The following LINGO2 variants were observed in gnomAD, a reference collection of about 807,000 sequenced individuals.
The protein encoded by LINGO2 is leucine-rich repeat and immunoglobulin-like domain-containing nogo receptor-interacting protein 2.
LINGO2 carries 14 observed loss-of-function variants against 30.6 expected under a neutral mutation model. The ratio of observed to expected loss-of-function variants is 0.46; its 90% confidence interval spans 0.30 to 0.72. LINGO2 has a LOEUF of 0.72. Among genes scored for constraint, LINGO2 ranks in the 30% least tolerant of loss-of-function variants. LINGO2 has a pLI of 0.07. For synonymous variants in LINGO2, 317 were observed against 288.5 expected (o/e 1.10, Z -1.00); for missense variants, 729 against 751.7 (o/e 0.97, Z 0.35).
chr9:28,786,834 T>C, the LINGO2 span, among the ~76,000 whole-genome samples: 1 of 151,968 alleles, frequency 6.6e-6, no homozygotes, highest in African/African-American at 2.4e-5. Flanking sequence ...AGGAAGAAAA[T>C]AAGGCTACTA....
intron 2 of LINGO2, among the ~76,000 whole-genome samples, chr9:28,420,990 T>C (rs978642757): frequency 6.6e-6 from 1 of 151,994 alleles, no homozygotes; most frequent in Non-Finnish European, 1.5e-5. Flanking sequence ...AAGAAAATAA[T>C]ATAGTTGGTG....
At chr9:28,857,541 C>G in the LINGO2 span, among the ~76,000 whole-genome samples, 1 of 152,036 alleles carries the variant, frequency 6.6e-6, no homozygotes, top group Non-Finnish European at 1.5e-5. Context: ...ATGCTCATAA[C>G]TACTACCACC....
At chr9:28,044,122 T>A (rs1233555302) in intron 4 of LINGO2, among the ~76,000 whole-genome samples, 1 of 152,148 alleles carries the variant, frequency 6.6e-6, no homozygotes. Context: ...TCAACTACAC[T>A]ATGTGTGTTT....
At chr9:29,000,212 T>A in the LINGO2 span, among the ~76,000 whole-genome samples, 3 of 151,910 alleles carry the variant, frequency 2.0e-5, no homozygotes, top group Admixed American at 2.0e-4. Context: ...ATATACCTCT[T>A]TTTCCTATGA....
At chr9:28,345,285 G>A (rs1477723053) in intron 3 of LINGO2, among the ~76,000 whole-genome samples, 1 of 151,658 alleles carries the variant, frequency 6.6e-6, no homozygotes, top group Non-Finnish European at 1.5e-5. Context: ...TTTTTCAAGT[G>A]GTTACTAAGG....
At chr9:28,019,388 T>A (rs2247555) in intron 4 of LINGO2, among the ~76,000 whole-genome samples, 1 of 151,502 alleles carries the variant, frequency 6.6e-6, no homozygotes, top group East Asian at 1.9e-4. Context: ...AACTAGTGAG[T>A]GCTGGGTAGG....
chr9:29,126,193 T>A, the LINGO2 span, among the ~76,000 whole-genome samples: 1 of 152,044 alleles, frequency 6.6e-6, no homozygotes. Flanking sequence ...GGGAAAATAG[T>A]TTCAAAAGAA....
chr9:28,451,252 A>C (rs1271838656), intron 2 of LINGO2, among the ~76,000 whole-genome samples: 3 of 151,878 alleles, frequency 2.0e-5, no homozygotes, highest in African/African-American at 4.8e-5. Context: ...CAATAACATT[A>C]TCTCTCCAGA....
At position 28,161,760 on chromosome 9, in the gene LINGO2, T is replaced by C. The variant is rs192761730; in HGVS notation, c.-87+133448A>G. The stretch of plus-strand genomic sequence containing the variant: ...CAATCAGAAGATTCTATGAGAACAT[T>C]ATCAAATCATACTTCAGAAATTTTG... On this transcript the variant is annotated intron_variant, in intron 4 of 5. Coordinates refer to ENST00000379992, the Ensembl canonical transcript of LINGO2. Among the ~76,000 whole-genome samples, 42 of 152,152 alleles carry C rather than the reference T, an allele frequency of 2.8e-4. 1 individual carries two copies. The East Asian group carries it at 7.7e-3, about 28-fold the overall frequency.
Position 28,608,011 on chromosome 9 carries a change from G to A in LINGO2, c.-365+62189C>T, listed in dbSNP as rs537401168. On this transcript the variant is annotated intron_variant, in intron 1 of 5. Coordinates refer to ENST00000379992, the Ensembl canonical transcript of LINGO2. Reference sequence around the variant, plus strand: ...AATCATAATGTAAAACAAATTAATGGTTTGCATATGTTTCCAATTTATGAT... The same window carrying A: ...AATCATAATGTAAAACAAATTAATGATTTGCATATGTTTCCAATTTATGAT... 3.9e-5 allele frequency among the ~76,000 whole-genome samples: 6 copies of A among 152,032 alleles called. No individual in the cohort carries two copies. In the South Asian group the frequency reaches 1.2e-3, roughly 32 times the overall value.
chr9:28,809,602 T>C, the LINGO2 span, among the ~76,000 whole-genome samples: 10 of 151,810 alleles, frequency 6.6e-5, 1 homozygote, highest in South Asian at 4.2e-4. Context: ...CAAAATTAGC[T>C]GGGCATGGTG....
chr9:28,536,717 A>G (rs1821451681), intron 1 of LINGO2, among the ~76,000 whole-genome samples: 1 of 152,148 alleles, frequency 6.6e-6, no homozygotes, highest in Non-Finnish European at 1.5e-5. Context: ...TCAACTTGAC[A>G]GAATCTGAAC....
chr9:28,395,429 C>T (rs957292437), intron 2 of LINGO2, among the ~76,000 whole-genome samples: 11 of 152,030 alleles, frequency 7.2e-5, no homozygotes, highest in Admixed American at 2.0e-4. Flanking sequence ...AGTATGTATT[C>T]GTTGCCAAGA....
chr9:27,954,924 C>T (rs1404435461), intron 5 of LINGO2, among the ~76,000 whole-genome samples: 1 of 152,034 alleles, frequency 6.6e-6, no homozygotes, highest in Admixed American at 6.6e-5. Context: ...TATTTTTTGT[C>T]ATTTTAATAA....
chr9:29,156,550 T>C, the LINGO2 span, among the ~76,000 whole-genome samples: 1 of 152,124 alleles, frequency 6.6e-6, no homozygotes, highest in Admixed American at 6.6e-5. Context: ...TTTGTGCATA[T>C]AGATGGAGTA....
intron 1 of LINGO2, among the ~76,000 whole-genome samples, chr9:28,537,873 A>C (rs1171109059): frequency 6.6e-6 from 1 of 151,466 alleles, no homozygotes; most frequent in African/African-American, 2.4e-5. Flanking sequence ...GTTAAATTAA[A>C]AAAAAAAAAA....
the LINGO2 span, among the ~76,000 whole-genome samples, chr9:28,854,256 T>C: frequency 2.0e-5 from 3 of 152,016 alleles, no homozygotes; most frequent in Non-Finnish European, 4.4e-5. Context: ...AATTGTTACA[T>C]ATTATTAATA....
the LINGO2 span, among the ~76,000 whole-genome samples, chr9:29,176,001 G>A: frequency 6.6e-6 from 1 of 152,012 alleles, no homozygotes; most frequent in African/African-American, 2.4e-5. Context: ...CCTTACTGAG[G>A]ACATCTTATG....
At chr9:28,149,225 CCA>C in intron 4 of LINGO2, 1 of 996,732 alleles carries the variant, frequency 1.0e-6, no homozygotes, top group African/African-American at 1.6e-5. Context: ...GCGTGGTGGC[CCA>C]CGCCTGTAAT....
Sources: allele counts gnomAD v4.1 joint callset (sites outside exome capture counted in the v4.1 genomes callset), GRCh38; gene constraint gnomAD v4.1.1; transcripts MANE v1.5; gene names NCBI Gene and HGNC (gene_info 2026-07-23, HGNC 2026-07-21).